SRPK2: variants seen among roughly 807,000 people sequenced by gnomAD.
The protein encoded by SRPK2 is SFRS protein kinase 2.
SRPK2 carries 21 observed loss-of-function variants against 90.8 expected under a neutral mutation model. The observed-to-expected ratio is 0.23, with a 90% CI of 0.16 to 0.33. SRPK2 has a LOEUF of 0.33. Among genes scored for constraint, SRPK2 ranks in the 10% least tolerant of loss-of-function variants. The probability of loss-of-function intolerance (pLI) is 1.00; values close to 1 mark genes in which losing one functional copy is unlikely to be tolerated. For synonymous variants in SRPK2, 288 were observed against 311.1 expected (o/e 0.93, Z 0.78); for missense variants, 620 against 869.0 (o/e 0.71, Z 3.60).
intron 2 of SRPK2, among the ~76,000 whole-genome samples, chr7:105,353,501 A>ACTTT (rs1231337724): frequency 1.8e-5 from 2 of 111,842 alleles, no homozygotes; most frequent in Non-Finnish European, 4.0e-5. Context: ...CATCCAGCCC[A>ACTTT]GTTTGTTGTT....
intron 1 of SRPK2, among the ~76,000 whole-genome samples, chr7:105,396,367 T>A (rs1339796386): frequency 6.6e-6 from 1 of 151,148 alleles, no homozygotes; most frequent in Non-Finnish European, 1.5e-5. Flanking sequence ...CCAGGCGTGG[T>A]GGCTTCATGC....
chr7:105,354,117 A>T (rs1397829165), intron 2 of SRPK2, among the ~76,000 whole-genome samples: 2 of 152,188 alleles, frequency 1.3e-5, no homozygotes, highest in Non-Finnish European at 2.9e-5. Context: ...GTGTGGAGCA[A>T]GAATGTGCCA....
At position 105,293,700 on chromosome 7, in the gene SRPK2, G is replaced by C. The variant is rs528320232; in HGVS notation, c.72-89915C>G. Among the ~76,000 whole-genome samples the C allele has an allele frequency of 1.3e-4, 20 of 152,224 alleles. No individual in the cohort carries two copies. In the East Asian group the frequency reaches 3.7e-3, roughly 28 times the overall value. ...CTCCCAAAGGGTTGGGATTACAGGC[G>C]TGAGCCACCATGCCTGGCCTCATTT... On this transcript the variant is annotated intron_variant, in intron 2 of 15. Coordinates refer to ENST00000393651, the MANE Select transcript of SRPK2 (RefSeq NM_182692.3).
intron 3 of SRPK2, among the ~76,000 whole-genome samples, chr7:105,201,395 T>TAC (rs1795536254): frequency 6.6e-6 from 1 of 152,184 alleles, no homozygotes. Context: ...CAGTGAATGT[T>TAC]ACCTAGAAAC....
chr7:105,314,123 G>C (rs1481352668), intron 2 of SRPK2, among the ~76,000 whole-genome samples: 1 of 152,002 alleles, frequency 6.6e-6, no homozygotes, highest in African/African-American at 2.4e-5. Context: ...TTGAGGCCAG[G>C]AGCTAGAGAC....
At chr7:105,322,382 A>C (rs1175183437) in intron 2 of SRPK2, among the ~76,000 whole-genome samples, 1 of 152,236 alleles carries the variant, frequency 6.6e-6, no homozygotes, top group Admixed American at 6.5e-5. Flanking sequence ...GTGACACGGC[A>C]CTTCAGCCTG....
At chr7:105,219,997 C>T (rs866568828) in intron 2 of SRPK2, among the ~76,000 whole-genome samples, 8 of 152,084 alleles carry the variant, frequency 5.3e-5, no homozygotes, top group African/African-American at 1.9e-4. Flanking sequence ...GACTTAGAGC[C>T]ATGTAAGCCA....
In SRPK2 at chr7:105,133,194, C is replaced by T. The variant is rs142992078; in HGVS notation, c.1544-90G>A. ...TGTTTGCCAGGGTCAGTCTCCTTTC[C>T]TCAAGAGTAGTGGAATGATCACTTA... On this transcript the variant is annotated intron_variant, in intron 11 of 15. Transcript: ENST00000393651. 1.7e-4 allele frequency: 206 copies of T among 1,189,702 alleles called. 2 individuals are homozygous for T. The East Asian group carries it at 4.0e-3, about 23-fold the overall frequency. The allele number at this position is 1,189,702 out of a possible 1,614,324, so 73.7% of individuals were successfully genotyped here.
intron 2 of SRPK2, among the ~76,000 whole-genome samples, chr7:105,326,334 G>C (rs539632445): frequency 6.6e-6 from 1 of 152,292 alleles, no homozygotes; most frequent in African/African-American, 2.4e-5. Context: ...TTTAAAATTT[G>C]AAAGAAAGCT....
chr7:105,226,671 T>C (rs748355939), intron 2 of SRPK2, among the ~76,000 whole-genome samples: 5 of 152,064 alleles, frequency 3.3e-5, no homozygotes, highest in Non-Finnish European at 5.9e-5. Context: ...AAGTGCAGGA[T>C]TAAAACAAAA....
intron 2 of SRPK2, among the ~76,000 whole-genome samples, chr7:105,291,146 G>A (rs1453554798): frequency 1.3e-5 from 2 of 152,148 alleles, no homozygotes; most frequent in Non-Finnish European, 2.9e-5. Context: ...CCATCTGAGT[G>A]GTTTTGGTGG....
chr7:105,371,540 C>A (rs2132452454), intron 2 of SRPK2, among the ~76,000 whole-genome samples: 1 of 145,834 alleles, frequency 6.9e-6, no homozygotes, highest in South Asian at 2.2e-4. Flanking sequence ...TCACATGAGA[C>A]CAGGAGTTTG....
upstream of SRPK2, among the ~76,000 whole-genome samples, chr7:105,390,490 G>T (rs559658035): frequency 4.0e-5 from 6 of 151,586 alleles, no homozygotes; most frequent in Non-Finnish European, 8.8e-5. Flanking sequence ...GTGCAGTGGC[G>T]CAATCTCAGC....
intron 2 of SRPK2, among the ~76,000 whole-genome samples, chr7:105,388,116 C>G (rs1052165212): frequency 2.0e-5 from 3 of 152,184 alleles, no homozygotes; most frequent in Non-Finnish European, 4.4e-5. Context: ...TGACAACCAG[C>G]TTAGGTTCTC....
intron 2 of SRPK2, among the ~76,000 whole-genome samples, chr7:105,369,510 C>G (rs1377560980): frequency 6.6e-6 from 1 of 152,080 alleles, no homozygotes; most frequent in Non-Finnish European, 1.5e-5. Flanking sequence ...AAACATTGAT[C>G]CAGGTGCTCT....
rs78340920 is a variant in SRPK2 at position 105,293,283 on chromosome 7, A to G, written c.72-89498T>C. 7.0e-3 allele frequency among the ~76,000 whole-genome samples: 991 copies of G among 141,940 alleles called. 10 individuals are homozygous for G. Among genetic ancestry groups the G allele is most frequent in the Non-Finnish European group, 0.013 (827 of 62,610 alleles). 93.1% of individuals were successfully genotyped at this position (141,940 alleles called of 152,430 possible). ...GAGTGAAACTCCATCTCAAAAAAAG[A>G]AAAAAAAAAAGTATGCCAAGTATGC... On this transcript the variant is annotated intron_variant, in intron 2 of 15. Coordinates refer to ENST00000393651, the MANE Select transcript of SRPK2 (RefSeq NM_182692.3).
intron 3 of SRPK2, among the ~76,000 whole-genome samples, chr7:105,169,972 T>C (rs563599474): frequency 3.8e-4 from 58 of 152,182 alleles, no homozygotes; most frequent in African/African-American, 1.3e-3. Flanking sequence ...CACACCACCA[T>C]GCCCAGCTAA....
At chr7:105,241,079 A>T (rs973198377) in intron 2 of SRPK2, among the ~76,000 whole-genome samples, 1 of 152,326 alleles carries the variant, frequency 6.6e-6, no homozygotes, top group African/African-American at 2.4e-5. Flanking sequence ...ATTAGCTTTA[A>T]AAGAGGCTGC....
chr7:105,187,199 C>A (rs1483300524), intron 3 of SRPK2, among the ~76,000 whole-genome samples: 5 of 152,334 alleles, frequency 3.3e-5, no homozygotes, highest in South Asian at 4.1e-4. Flanking sequence ...AAACCTCCTC[C>A]TCGGTTCTGC....
Sources: gnomAD v4.1 joint callset for allele counts (sites outside exome capture counted in the v4.1 genomes callset) on GRCh38, gnomAD v4.1.1 for gene constraint, MANE v1.5 for transcripts, NCBI Gene and HGNC (gene_info 2026-07-23, HGNC 2026-07-21) for gene names.